ZC3H18: variants seen among roughly 807,000 people sequenced by gnomAD.
ZC3H18 encodes the protein zinc finger CCCH-type containing 18.
Under a neutral mutation model 106.1 loss-of-function variants are expected in ZC3H18, and 8 were observed. The observed-to-expected ratio is 0.08, with a 90% confidence interval of 0.04 to 0.14. ZC3H18 has a LOEUF of 0.14. ZC3H18 is among the 10% of genes least tolerant of loss of function. The pLI, the probability that ZC3H18 is intolerant of heterozygous loss-of-function variation, is 1.00. For missense variants in ZC3H18, 1,318 were observed against 1,278.4 expected, an observed-to-expected ratio of 1.03 and a Z score of -0.47; for synonymous variants, 635 against 522.1, an observed-to-expected ratio of 1.22 and a Z score of -2.95.
At chr16:88,625,000 C>CT (rs1906212801) in intron 12 of ZC3H18, among the ~76,000 whole-genome samples, 2 of 152,204 alleles carry the variant, frequency 1.3e-5, no homozygotes, top group South Asian at 4.1e-4. Context: ...CCCGTCTGCA[C>CT]TGGAAGGTGC....
At chr16:88,595,260 T>C (rs1904367250) in intron 3 of ZC3H18, among the ~76,000 whole-genome samples, 1 of 152,194 alleles carries the variant, frequency 6.6e-6, no homozygotes, top group Non-Finnish European at 1.5e-5. Flanking sequence ...ACTTAGACAT[T>C]TCAGCAGTGG....
intron 3 of ZC3H18, chr16:88,587,534 T>A: frequency 6.5e-7 from 1 of 1,535,984 alleles, no homozygotes; most frequent in Non-Finnish European, 8.7e-7. Flanking sequence ...CCTGTACTTC[T>A]TTTCCAGATG....
At chr16:88,586,499 A>G (rs1003006093) in intron 2 of ZC3H18, 101 bp from the exon 3 acceptor site, 2 of 932,650 alleles carry the variant, frequency 2.1e-6, no homozygotes. Context: ...CTGTGACAAT[A>G]TCCAGGTTCC....
At chr16:88,618,041 A>G (rs1233157462) in intron 8 of ZC3H18, among the ~76,000 whole-genome samples, 2 of 152,262 alleles carry the variant, frequency 1.3e-5, no homozygotes, top group African/African-American at 2.4e-5. Flanking sequence ...TTTCATGTGC[A>G]GTTGAACGCA....
chr16:88,630,372 G>T, intron 16 of ZC3H18, 113 bp from the exon 17 acceptor site: 1 of 722,802 alleles, frequency 1.4e-6, no homozygotes, highest in Non-Finnish European at 2.3e-6. Flanking sequence ...AATGAAGGTG[G>T]TGAACTAAGC....
chr16:88,621,040 T>G (rs1166879198), intron 8 of ZC3H18, among the ~76,000 whole-genome samples: 1 of 151,850 alleles, frequency 6.6e-6, no homozygotes, highest in Non-Finnish European at 1.5e-5. Flanking sequence ...CTAATTTTTT[T>G]GTTTTTTGTT....
At position 88,631,427 on chromosome 16, in the gene ZC3H18, C is replaced by T. The variant is rs1418808580; in HGVS notation, c.*128C>T. ...AAGTAAAAAAGAAAAAAAAGTTTCT[C>T]AGCTGGAAAAGAAGCCACACAGGAA... is the stretch of plus-strand genomic sequence containing the variant. On this transcript the variant is annotated 3_prime_UTR_variant, in exon 18 of 18. Transcript: ENST00000301011. 2.2e-6 allele frequency: 3 copies of T among 1,335,364 alleles called. No individual in the cohort carries two copies. The highest frequency in any genetic ancestry group is 1.0e-6 in the Non-Finnish European group (1 of 981,492). The allele number at this position is 1,335,364 out of a possible 1,614,324, so 82.7% of individuals were successfully genotyped here. A position where few individuals can be genotyped will look rare whatever the true frequency, so the allele number is the denominator to read the frequency against.
chr16:88,618,997 A>T (rs1046066233), intron 8 of ZC3H18, among the ~76,000 whole-genome samples: 1 of 151,940 alleles, frequency 6.6e-6, no homozygotes, highest in African/African-American at 2.4e-5. Flanking sequence ...TTTATTTTGT[A>T]TCTGCCTGGT....
At chr16:88,604,561 C>T (rs1904917302) in intron 6 of ZC3H18, among the ~76,000 whole-genome samples, 1 of 151,974 alleles carries the variant, frequency 6.6e-6, no homozygotes, top group Non-Finnish European at 1.5e-5. Context: ...TGGCGGACAC[C>T]TGTAGTCCCA....
chr16:88,609,020 A>T lies in ZC3H18; in HGVS notation c.1175A>T (p.Tyr392Phe). 6.2e-7 allele frequency: 1 copy of T among 1,613,890 alleles called. No individual in the cohort carries two copies. The highest frequency in any genetic ancestry group is 8.5e-7 in the Non-Finnish European group (1 of 1,179,832). ...CAGTATGAGAATTTCAGGGTGCAGTATACAGAAACAGAGCCGTATCATAAT... is the reference window on the plus strand; with the variant it reads ...CAGTATGAGAATTTCAGGGTGCAGTTTACAGAAACAGAGCCGTATCATAAT... ...GGQYENFRVQYTETEPYHNYR... is the reference protein window; with the variant it reads ...GGQYENFRVQFTETEPYHNYR... Residue 392 changes from tyrosine (Y) to phenylalanine (F), a missense_variant, in exon 7 of 18, where the codon TAT becomes TTT. Transcript: ENST00000301011.
chr16:88,586,176 G>A (rs945547821), intron 2 of ZC3H18, among the ~76,000 whole-genome samples: 1 of 152,162 alleles, frequency 6.6e-6, no homozygotes, highest in Non-Finnish European at 1.5e-5. Flanking sequence ...CTGCCCTGAG[G>A]CACCCAACTC....
chr16:88,610,017 A>G (rs191772416), intron 7 of ZC3H18, among the ~76,000 whole-genome samples: 33 of 151,856 alleles, frequency 2.2e-4, no homozygotes, highest in Admixed American at 1.9e-3. Flanking sequence ...GATCCCGTTT[A>G]GGATGTGGCG....
At position 88,622,210 on chromosome 16, in the gene ZC3H18, C is replaced by T; in HGVS notation, c.1489C>T (p.Pro497Ser). ...SPQPPSRQAE[P>S]PKKEAATTGP... Reference sequence around the variant, plus strand: ...CTGTAATTTCAGCCGCCAAGCTGAGCCACCAAAGAAGGAGGCTGCCACCAC... The same window carrying T: ...CTGTAATTTCAGCCGCCAAGCTGAGTCACCAAAGAAGGAGGCTGCCACCAC... The change falls in exon 9 of 18, where the codon CCA becomes TCA. Residue 497 changes from proline (P) to serine (S), a missense_variant. By Grantham distance (74) the Pro-to-Ser change is moderately conservative. Transcript: ENST00000301011. 2 of 1,608,552 alleles carry T rather than the reference C, an allele frequency of 1.2e-6. No individual in the cohort carries two copies. The highest frequency in any genetic ancestry group is 1.7e-6 in the Non-Finnish European group (2 of 1,176,332).
chr16:88,601,059 C>G (rs374768661), intron 6 of ZC3H18, among the ~76,000 whole-genome samples: 43 of 152,330 alleles, frequency 2.8e-4, no homozygotes, highest in African/African-American at 9.6e-4. Flanking sequence ...CCTGCAAGGC[C>G]CTTCTCAAGG....
chr16:88,624,852 G>A, intron 12 of ZC3H18, 107 bp downstream of exon 12: 3 of 1,437,006 alleles, frequency 2.1e-6, no homozygotes, highest in African/African-American at 1.4e-5. Flanking sequence ...GCCAGGTGGT[G>A]GGAAGCGCCC....
At chr16:88,624,577 C>T (rs753166889) in intron 11 of ZC3H18, 25 bp from the exon 12 acceptor site, 3 of 1,613,564 alleles carry the variant, frequency 1.9e-6, no homozygotes, top group Admixed American at 3.3e-5. Context: ...CAGCCCTGCC[C>T]TGCTCGAGCC....
rs771126288 is a variant in ZC3H18 at position 88,611,340 on chromosome 16, C to T, written c.1279C>T (p.Arg427Trp). 8.2e-6 allele frequency: 6 copies of T among 729,830 alleles called. No homozygotes were observed. Among genetic ancestry groups the T allele is most frequent in the African/African-American group, 3.6e-5 (2 of 55,078 alleles). 45.2% of individuals were successfully genotyped at this position (729,830 alleles called of 1,614,324 possible). A position where few individuals can be genotyped will look rare whatever the true frequency, so the allele number is the denominator to read the frequency against. The change falls in exon 8 of 18, where the codon CGG becomes TGG. Residue 427 changes from arginine (R) to tryptophan (W), a missense_variant. Physicochemically the swap from Arg to Trp is moderately radical, Grantham distance 101. This residue lies in a region of ZC3H18 where 848 missense variants were observed against 821.7 expected (regional missense o/e 1.03). Transcript: ENST00000301011. ...RERERERDRERERRQRERERE... is the reference protein window; with the variant it reads ...RERERERDREWERRQRERERE... The stretch of plus-strand genomic sequence containing the variant: ...GCGGGAGCGGGAGCGGGACCGAGAG[C>T]GGGAGCGCCGGCAGAGGGAGCGCGA...
At chr16:88,576,167 C>G (rs529500541) in intron 1 of ZC3H18, among the ~76,000 whole-genome samples, 1 of 152,062 alleles carries the variant, frequency 6.6e-6, no homozygotes, top group South Asian at 2.1e-4. Flanking sequence ...TCCCAAAGTG[C>G]TGGGATTACA....
At chr16:88,575,657 A>C (rs1914702470) in intron 1 of ZC3H18, among the ~76,000 whole-genome samples, 1 of 152,068 alleles carries the variant, frequency 6.6e-6, no homozygotes. Context: ...TAACTTTATA[A>C]TTTAATCTGG....
Sources: allele counts gnomAD v4.1 joint callset (sites outside exome capture counted in the v4.1 genomes callset), GRCh38; gene constraint gnomAD v4.1.1; regional missense constraint gnomAD v4.1.1; transcripts MANE v1.5; gene names NCBI Gene and HGNC (gene_info 2026-07-23, HGNC 2026-07-21).